Variants in SMG7 observed in about 807,000 individuals in gnomAD.
SMG7 encodes the protein nonsense-mediated mRNA decay factor SMG7.
A neutral mutation model predicts 148.2 loss-of-function variants in SMG7; 34 were observed. That is an observed-to-expected ratio of 0.23 (90% CI 0.17 to 0.31). SMG7 has a LOEUF of 0.31. Ranked by LOEUF, SMG7 falls within the 10% of genes least tolerant of loss-of-function variation. The pLI is 1.00. For synonymous variants in SMG7, 492 were observed against 515.1 expected, an observed-to-expected ratio of 0.96 and a Z score of 0.61; for missense variants, 1,114 against 1,408.4, an observed-to-expected ratio of 0.79 and a Z score of 3.35.
intron 20 of SMG7, 118 bp downstream of exon 20, chr1:183,550,041 TTTG>T: frequency 1.4e-6 from 1 of 723,436 alleles, no homozygotes; most frequent in Non-Finnish European, 2.2e-6. Flanking sequence ...TTATTTTTTG[TTTG>T]TTTGTTTTTG....
intron 10 of SMG7, 62 bp downstream of exon 10, chr1:183,533,894 T>C (rs1315503621): frequency 2.2e-6 from 3 of 1,376,878 alleles, no homozygotes; most frequent in African/African-American, 1.4e-5. Context: ...TCCATAAATA[T>C]GTAAAAACTG....
At chr1:183,512,154 A>C (rs140329475) in intron 1 of SMG7, among the ~76,000 whole-genome samples, 8 of 152,310 alleles carry the variant, frequency 5.3e-5, no homozygotes, top group African/African-American at 1.7e-4. Context: ...GAAGAGAAGG[A>C]AAGATCCAAA....
intron 8 of SMG7, 75 bp downstream of exon 8, chr1:183,529,608 A>G (rs1364341476): frequency 1.7e-6 from 2 of 1,180,588 alleles, no homozygotes; most frequent in Non-Finnish European, 2.4e-6. Flanking sequence ...ACTGACTCCC[A>G]GTTTTTGTAG....
At chr1:183,489,099 CTTAA>C (rs1656284984) in intron 1 of SMG7, among the ~76,000 whole-genome samples, 2 of 152,006 alleles carry the variant, frequency 1.3e-5, no homozygotes, top group Non-Finnish European at 2.9e-5. Flanking sequence ...GCACAATAGG[CTTAA>C]TTAACCCTCA....
chr1:183,496,282 A>G (rs1021763777), intron 1 of SMG7, among the ~76,000 whole-genome samples: 5 of 152,140 alleles, frequency 3.3e-5, no homozygotes, highest in East Asian at 3.8e-4. Context: ...AATATATGCA[A>G]TAGTTAAACA....
chr1:183,550,633 C>A, intron 20 of SMG7, 118 bp from the exon 21 acceptor site: 1 of 998,302 alleles, frequency 1.0e-6, no homozygotes, highest in Non-Finnish European at 1.5e-6. Context: ...CCCTTTCCTT[C>A]AAAGCCCTGT....
intron 10 of SMG7, among the ~76,000 whole-genome samples, chr1:183,535,809 T>C (rs920207822): frequency 1.3e-5 from 2 of 152,160 alleles, no homozygotes; most frequent in Admixed American, 1.3e-4. Context: ...CAGTGTTTTC[T>C]CGAGAGCTTA....
chr1:183,476,133 G>A (rs1172207652), intron 1 of SMG7, among the ~76,000 whole-genome samples: 3 of 152,082 alleles, frequency 2.0e-5, no homozygotes, highest in Non-Finnish European at 4.4e-5. Flanking sequence ...TCTGCAGTGG[G>A]GACACTAGAG....
intron 1 of SMG7, chr1:183,473,586 G>A (rs1251651782): frequency 1.0e-5 from 2 of 200,336 alleles, no homozygotes; most frequent in Non-Finnish European, 1.8e-5. Context: ...CTGAGTAAGA[G>A]CTTGGAGGCA....
In SMG7 at chr1:183,487,575, G is replaced by C. The variant is rs148989761; in HGVS notation, c.29+14926G>C. On this transcript the variant is annotated intron_variant, in intron 1 of 22. Transcript: ENST00000688051. ...GCCTCAAATCACATCATAGAACTCA[G>C]CCTGTGAAGACACTTTGCAGAACCT... 2.4e-3 allele frequency among the ~76,000 whole-genome samples: 369 copies of C among 152,320 alleles called. 1 individual carries two copies. The highest frequency in any genetic ancestry group is 8.4e-3 in the African/African-American group (348 of 41,548).
intron 10 of SMG7, among the ~76,000 whole-genome samples, chr1:183,534,619 G>A (rs527998814): frequency 2.0e-5 from 3 of 152,268 alleles, no homozygotes; most frequent in Non-Finnish European, 4.4e-5. Context: ...CCAGCACTTG[G>A]GGAGGCTGAG....
chr1:183,536,869 CAA>C (rs1409678115), intron 10 of SMG7, among the ~76,000 whole-genome samples: 2 of 152,114 alleles, frequency 1.3e-5, no homozygotes, highest in Non-Finnish European at 2.9e-5. Context: ...TTAAAACTGA[CAA>C]ATTATTTTCA....
chr1:183,486,251 A>G lies in SMG7; in HGVS notation c.29+13602A>G, dbSNP rs148656149. Among the ~76,000 whole-genome samples the G allele has an allele frequency of 2.3e-3, 346 of 152,374 alleles. 2 individuals carry two copies. Among genetic ancestry groups the G allele is most frequent in the African/African-American group, 8.1e-3 (335 of 41,588 alleles). ...TAATATATGAGATTGCACTTACTGCAAACATTTTGAATTACGTGAATTTCT... is the reference window on the plus strand; with the variant it reads ...TAATATATGAGATTGCACTTACTGCGAACATTTTGAATTACGTGAATTTCT... On this transcript the variant is annotated intron_variant, in intron 1 of 22. Transcript: ENST00000688051.
intron 1 of SMG7, among the ~76,000 whole-genome samples, chr1:183,479,535 C>A (rs1002466368): frequency 2.0e-5 from 3 of 152,122 alleles, no homozygotes; most frequent in Non-Finnish European, 4.4e-5. Context: ...CTCTAAGCCA[C>A]AGATTGGATT....
At chr1:183,520,976 T>C (rs1664639329) in intron 4 of SMG7, among the ~76,000 whole-genome samples, 1 of 152,180 alleles carries the variant, frequency 6.6e-6, no homozygotes, top group South Asian at 2.1e-4. Flanking sequence ...CAGGCAGTGA[T>C]TGAGCAATTA....
At chr1:183,521,074 T>A (rs1664663079) in intron 4 of SMG7, among the ~76,000 whole-genome samples, 1 of 139,696 alleles carries the variant, frequency 7.2e-6, no homozygotes, top group Non-Finnish European at 1.5e-5. Context: ...TTCACTTGCT[T>A]TTTTTTTTTT....
chr1:183,526,258 T>G (rs1665841133), intron 4 of SMG7, among the ~76,000 whole-genome samples: 1 of 151,434 alleles, frequency 6.6e-6, no homozygotes, highest in South Asian at 2.1e-4. Context: ...AAGCGATTCT[T>G]GTGCCTCAGC....
chr1:183,474,766 C>T (rs190168135), intron 1 of SMG7, among the ~76,000 whole-genome samples: 85 of 152,306 alleles, frequency 5.6e-4, no homozygotes, highest in African/African-American at 1.9e-3. Context: ...AAAAGAACAA[C>T]TCCACCCTCC....
intron 1 of SMG7, among the ~76,000 whole-genome samples, chr1:183,483,476 C>T (rs1268680039): frequency 6.6e-6 from 1 of 152,082 alleles, no homozygotes; most frequent in Admixed American, 6.5e-5. Flanking sequence ...GAGTTAAAGA[C>T]TGCTTACTTG....
Sources: allele counts gnomAD v4.1 joint callset (sites outside exome capture counted in the v4.1 genomes callset), GRCh38; gene constraint gnomAD v4.1.1; transcripts MANE v1.5; gene names NCBI Gene and HGNC (gene_info 2026-07-23, HGNC 2026-07-21).